The following FHIT variants were observed in gnomAD, a reference collection of about 807,000 sequenced individuals.
FHIT encodes the protein fragile histidine triad diadenosine triphosphatase, also known as bis(5'-adenosyl)-triphosphatase.
Under a neutral mutation model 17.9 loss-of-function variants are expected in FHIT, and 19 were observed. The observed-to-expected ratio is 1.06, with a 90% CI of 0.74 to 1.56. The LOEUF (loss-of-function observed/expected upper bound fraction) is 1.56. Ranked by LOEUF, FHIT falls within the 40% of genes most tolerant of loss-of-function variation. FHIT has a pLI of 0.00. For missense variants in FHIT, 248 were observed against 189.2 expected, an observed-to-expected ratio of 1.31 and a Z score of -1.82; for synonymous variants, 81 against 69.7, an observed-to-expected ratio of 1.16 and a Z score of -0.81.
intron 5 of FHIT, among the ~76,000 whole-genome samples, chr3:60,409,057 T>G (rs1042746307): frequency 6.6e-6 from 1 of 152,098 alleles, no homozygotes; most frequent in Non-Finnish European, 1.5e-5. Context: ...TCCTTACTAT[T>G]TATTTGATCC....
chr3:59,816,838 C>T (rs1575542412), intron 8 of FHIT, among the ~76,000 whole-genome samples: 1 of 152,200 alleles, frequency 6.6e-6, no homozygotes, highest in Non-Finnish European at 1.5e-5. Flanking sequence ...GCTCAGGAAA[C>T]ATTTGCTGAA....
At chr3:60,214,413 T>C (rs1338245270) in intron 5 of FHIT, among the ~76,000 whole-genome samples, 1 of 152,196 alleles carries the variant, frequency 6.6e-6, no homozygotes, top group Non-Finnish European at 1.5e-5. Context: ...TAGTATTCTA[T>C]GCTTGAGTTC....
chr3:60,286,371 A>G (rs1361818232), intron 5 of FHIT, among the ~76,000 whole-genome samples: 2 of 152,222 alleles, frequency 1.3e-5, no homozygotes, highest in African/African-American at 4.8e-5. Context: ...TTTCCCTCAA[A>G]CAAATGTATT....
At chr3:59,865,113 T>C (rs576715583) in intron 8 of FHIT, among the ~76,000 whole-genome samples, 10 of 152,344 alleles carry the variant, frequency 6.6e-5, no homozygotes, top group African/African-American at 2.4e-4. Context: ...TTGTATAATT[T>C]CAATTTCATT....
chr3:59,974,747 T>C (rs1221878908), intron 7 of FHIT, among the ~76,000 whole-genome samples: 1 of 152,112 alleles, frequency 6.6e-6, no homozygotes, highest in Non-Finnish European at 1.5e-5. Context: ...AAAGTGCCTT[T>C]AGGTGTGTGA....
chr3:60,089,739 G>C (rs953787296), intron 5 of FHIT, among the ~76,000 whole-genome samples: 1 of 152,150 alleles, frequency 6.6e-6, no homozygotes, highest in Non-Finnish European at 1.5e-5. Context: ...CTAGCATCTT[G>C]TTTCTGATGA....
chr3:60,304,851 C>A (rs997494770), intron 5 of FHIT, among the ~76,000 whole-genome samples: 1 of 152,110 alleles, frequency 6.6e-6, no homozygotes, highest in African/African-American at 2.4e-5. Flanking sequence ...ACATCTCTAT[C>A]AAACAAAGTT....
chr3:60,321,558 A>C (rs1709434502), intron 5 of FHIT, among the ~76,000 whole-genome samples: 1 of 152,152 alleles, frequency 6.6e-6, no homozygotes, highest in Admixed American at 6.5e-5. Context: ...GGGGTTACAA[A>C]ACTTGCACAA....
chr3:59,916,208 G>C (rs894941528), intron 8 of FHIT, among the ~76,000 whole-genome samples: 1 of 152,054 alleles, frequency 6.6e-6, no homozygotes, highest in Non-Finnish European at 1.5e-5. Context: ...TGAGTTTTCC[G>C]GCCTTCATCT....
chr3:60,549,882 T>G (rs1319489662), intron 4 of FHIT, among the ~76,000 whole-genome samples: 3 of 152,144 alleles, frequency 2.0e-5, no homozygotes, highest in African/African-American at 7.2e-5. Flanking sequence ...AGGTTCACTG[T>G]AAAAAATAAT....
chr3:59,755,673 A>G (rs1701178265), intron 8 of FHIT, among the ~76,000 whole-genome samples: 3 of 152,186 alleles, frequency 2.0e-5, no homozygotes. Flanking sequence ...ACTGAACCAG[A>G]CAGACTCCTT....
Position 60,576,404 on chromosome 3 carries a change from A to G in FHIT, c.-17-39425T>C, listed in dbSNP as rs556914063. Among the ~76,000 whole-genome samples the G allele has an allele frequency of 3.1e-3, 471 of 152,174 alleles. 1 individual carries two copies. The highest frequency in any genetic ancestry group is 5.6e-3 in the Non-Finnish European group (384 of 67,990). On this transcript the variant is annotated intron_variant, in intron 4 of 9. Coordinates refer to ENST00000492590, the MANE Select transcript of FHIT (RefSeq NM_002012.4). The stretch of plus-strand genomic sequence containing the variant: ...TATGGTGTCTGCAAATGCTCCAGGG[A>G]AAAACACAAGCAAAAGGAAAGAAAT...
At chr3:60,526,281 A>G (rs2035572859) in intron 5 of FHIT, among the ~76,000 whole-genome samples, 1 of 152,104 alleles carries the variant, frequency 6.6e-6, no homozygotes, top group East Asian at 1.9e-4. Context: ...GGAAGGTAGT[A>G]AAGTCTCGCC....
chr3:60,671,704 C>T (rs185703419), intron 4 of FHIT, among the ~76,000 whole-genome samples: 1 of 151,308 alleles, frequency 6.6e-6, no homozygotes. Context: ...TTTTGGGAGG[C>T]TGAGGCAAGT....
chr3:61,202,251 G>A (rs1169406535), intron 1 of FHIT, among the ~76,000 whole-genome samples: 3 of 151,348 alleles, frequency 2.0e-5, no homozygotes, highest in Non-Finnish European at 4.4e-5. Flanking sequence ...CTGCCCGGCC[G>A]CCCAACTATC....
intron 4 of FHIT, among the ~76,000 whole-genome samples, chr3:60,761,654 A>G (rs1699663132): frequency 6.6e-6 from 1 of 151,410 alleles, no homozygotes; most frequent in South Asian, 2.1e-4. Context: ...AGACACCACA[A>G]AAGACCAATG....
intron 5 of FHIT, among the ~76,000 whole-genome samples, chr3:60,264,953 C>A (rs1163350069): frequency 6.6e-6 from 1 of 151,754 alleles, no homozygotes; most frequent in African/African-American, 2.4e-5. Flanking sequence ...GTCTCTATGT[C>A]TGCGCTTTAC....
At chr3:60,174,118 G>A (rs1043146384) in intron 5 of FHIT, among the ~76,000 whole-genome samples, 1 of 150,730 alleles carries the variant, frequency 6.6e-6, no homozygotes, top group African/African-American at 2.4e-5. Flanking sequence ...CACCATGTTG[G>A]CCAGGATGGT....
chr3:60,344,457 A>T (rs1191571127), intron 5 of FHIT, among the ~76,000 whole-genome samples: 1 of 152,172 alleles, frequency 6.6e-6, no homozygotes, highest in African/African-American at 2.4e-5. Context: ...TTGGAAACAG[A>T]TTGAGAAAAG....
Sources: gnomAD v4.1 joint callset for allele counts (sites outside exome capture counted in the v4.1 genomes callset) on GRCh38, gnomAD v4.1.1 for gene constraint, MANE v1.5 for transcripts, NCBI Gene and HGNC (gene_info 2026-07-23, HGNC 2026-07-21) for gene names.